ALDH3A1: variants seen among roughly 807,000 people sequenced by gnomAD.
The protein encoded by ALDH3A1 is aldehyde dehydrogenase, dimeric NADP-preferring.
In ALDH3A1, 46 loss-of-function variants were observed where a neutral mutation model predicts 49.9. The ratio of observed to expected loss-of-function variants is 0.92; its 90% confidence interval spans 0.73 to 1.18. The LOEUF is 1.18. Among genes scored for constraint, ALDH3A1 ranks in the 50% most tolerant of loss-of-function variants. The pLI, the probability that ALDH3A1 is intolerant of heterozygous loss-of-function variation, is 0.00. For missense variants in ALDH3A1, 592 were observed against 611.8 expected (o/e 0.97, Z 0.34); for synonymous variants, 269 against 253.3 (o/e 1.06, Z -0.59).
At position 19,743,269 on chromosome 17, in the gene ALDH3A1, G is replaced by A; in HGVS notation, c.357C>T (p.Asn119=). 6.2e-7 allele frequency: 1 copy of A among 1,614,066 alleles called. No homozygotes were observed. The highest frequency in any genetic ancestry group is 8.5e-7 in the Non-Finnish European group (1 of 1,180,026). The change falls in exon 3 of 11, where the codon AAC becomes AAT. Residue 119 remains asparagine, a synonymous_variant. Transcript: ENST00000225740. The surrounding 1 kb of genome is among the most constrained non-coding windows in gnomAD (Gnocchi z 4.4). The part of the protein sequence containing the change: ...LVIGTWNYPF[N]LTIQPMVGAI... ...CGCCCACCATGGGCTGGATGGTGAG[G>A]TTGAAGGGGTAGTTCCAGGTGCCAA...
chr17:19,738,322 C>A lies in ALDH3A1; in HGVS notation c.1347+1G>T. ...CCCCCACAGCGCCTTCCCCCTCTCA[C>A]CTTGGCCGGGCTCGGGGGGTATCTG... is the stretch of plus-strand genomic sequence containing the variant. On this transcript the variant is annotated splice_donor_variant, in intron 10 of 10. Transcript: ENST00000225740. LOFTEE classifies it high-confidence loss of function. The A allele has an allele frequency of 6.2e-7, 1 of 1,613,152 alleles. No homozygotes were observed. Among genetic ancestry groups the A allele is most frequent in the Non-Finnish European group, 8.5e-7 (1 of 1,179,140 alleles).
Position 19,738,461 on chromosome 17 carries a change from G to T in ALDH3A1, c.1217-8C>A. 1 of 1,608,112 alleles carries T rather than the reference G, an allele frequency of 6.2e-7. No homozygotes were observed. On this transcript the variant is annotated splice_polypyrimidine_tract_variant and splice_region_variant and intron_variant, in intron 9 of 10. Coordinates refer to ENST00000225740, the MANE Select transcript of ALDH3A1 (RefSeq NM_000691.5). ...ATCCCATGCCGCTGTTCCCTGCGGA[G>T]GAGAAGTAAGCACAGGGCTCAGCAT...
chr17:19,746,493 C>T (rs1348774522), intron 1 of ALDH3A1, among the ~76,000 whole-genome samples: 1 of 151,760 alleles, frequency 6.6e-6, no homozygotes, highest in Non-Finnish European at 1.5e-5. Flanking sequence ...ATTTGAAGGC[C>T]TCGGGTAAGT....
intron 1 of ALDH3A1, among the ~76,000 whole-genome samples, chr17:19,747,598 G>A (rs1161904329): frequency 6.6e-6 from 1 of 152,150 alleles, no homozygotes; most frequent in East Asian, 1.9e-4. Context: ...GTTAACAAAG[G>A]TGCCACTTCA....
At chr17:19,738,500 C>A in intron 9 of ALDH3A1, 47 bp from the exon 10 acceptor site, 1 of 1,588,378 alleles carries the variant, frequency 6.3e-7, no homozygotes, top group Non-Finnish European at 8.6e-7. Flanking sequence ...GCCCCCAGGA[C>A]GCCCCAGGTT....
At chr17:19,746,008 G>T (rs954019456) in intron 1 of ALDH3A1, among the ~76,000 whole-genome samples, 2 of 152,204 alleles carry the variant, frequency 1.3e-5, no homozygotes, top group South Asian at 2.1e-4. Flanking sequence ...AGTATTTAGG[G>T]ATTAGGTGGA....
At chr17:19,738,663 G>A in intron 9 of ALDH3A1, 1 of 698,808 alleles carries the variant, frequency 1.4e-6, no homozygotes, top group South Asian at 1.9e-5. Flanking sequence ...GGTGGCCAAT[G>A]TCTAGGGTGT....
chr17:19,740,535 G>A (rs1409397635), intron 6 of ALDH3A1, 58 bp from the exon 7 acceptor site: 10 of 1,594,742 alleles, frequency 6.3e-6, no homozygotes, highest in Non-Finnish European at 8.6e-6. Flanking sequence ...CTGCCCAAAG[G>A]CTGCACAGAC....
chr17:19,740,253 A>G, intron 7 of ALDH3A1, 83 bp downstream of exon 7: 1 of 1,567,370 alleles, frequency 6.4e-7, no homozygotes, highest in South Asian at 1.1e-5. Flanking sequence ...CCGCTTATCA[A>G]GCATCTGTGC....
At chr17:19,739,838 C>G (rs1283819077) in intron 7 of ALDH3A1, among the ~76,000 whole-genome samples, 164 bp from the exon 8 acceptor site, 1 of 152,164 alleles carries the variant, frequency 6.6e-6, no homozygotes, top group Non-Finnish European at 1.5e-5. Context: ...CACCTGCGTC[C>G]TGGATGCCAT....
intron 9 of ALDH3A1, 96 bp downstream of exon 9, chr17:19,738,900 C>T: frequency 9.8e-6 from 11 of 1,116,902 alleles, no homozygotes; most frequent in Non-Finnish European, 1.4e-5. Flanking sequence ...GAGGCTGCCG[C>T]CCGGGCTGCA....
rs1236955560 is a variant in ALDH3A1, at chr17:19,739,556, G to T, written c.1068C>A (p.Asn356Lys). The change falls in exon 8 of 11, where the codon AAC becomes AAA. Residue 356 changes from asparagine to lysine, a missense_variant. Physicochemically the swap from Asn to Lys is moderately conservative, Grantham distance 94. Transcript: ENST00000225740. ...RSLEEAIQFI[N>K]QREKPLALYM... ...AGAGGGCCAGGGGCTTCTCACGCTG[G>T]TTGATGAACTGGATGGCCTCCTCCA... The T allele has an allele frequency of 6.2e-7, 1 of 1,613,414 alleles. No individual in the cohort carries two copies. The highest frequency in any genetic ancestry group is 2.2e-5 in the East Asian group (1 of 44,862).
Position 19,745,032 on chromosome 17 carries a change from A to C in ALDH3A1, c.98T>G (p.Leu33Arg). Residue 33 changes from leucine to arginine, a missense_variant, in exon 2 of 11, where the codon CTG (leucine) becomes CGG (arginine). Coordinates refer to ENST00000225740, the MANE Select transcript of ALDH3A1 (RefSeq NM_000691.5). ...CTCCTGCTCCTGGATCAGGCGCTGCAGCGCCTCCAGCTGCTGGATCCGGAA... is the reference window on the plus strand; with the variant it reads ...CTCCTGCTCCTGGATCAGGCGCTGCCGCGCCTCCAGCTGCTGGATCCGGAA... ...LQFRIQQLEA[L>R]QRLIQEQEQE... 1 of 1,595,854 alleles carries C rather than the reference A, an allele frequency of 6.3e-7. No individual in the cohort carries two copies. Among genetic ancestry groups the C allele is most frequent in the Non-Finnish European group, 8.5e-7 (1 of 1,178,512 alleles).
intron 6 of ALDH3A1, 61 bp downstream of exon 6, chr17:19,741,032 G>T: frequency 7.6e-7 from 1 of 1,316,806 alleles, no homozygotes; most frequent in African/African-American, 1.4e-5. Flanking sequence ...TGGTTAAGGG[G>T]CCAGGCCCCC....
rs1036453954 is a variant in ALDH3A1 at position 19,743,841 on chromosome 17, C to T, written c.163-378G>A. 17 of 982,774 alleles carry T rather than the reference C, an allele frequency of 1.7e-5. No individual in the cohort carries two copies. In the African/African-American group the frequency reaches 1.9e-4, roughly 11 times the overall value. The allele number at this position is 982,774 out of a possible 1,614,324, so 60.9% of individuals were successfully genotyped here. ...TGGATCCGGGGAGGGGGGATAGATT[C>T]GGGCACTGGGAGCTGGATCCGGGCA... On this transcript the variant is annotated intron_variant, in intron 2 of 10. Transcript: ENST00000225740. This position sits in a 1 kb window ranked among gnomAD's most constrained non-coding sequence, Gnocchi z 4.4.
chr17:19,748,118 G>A lies in ALDH3A1; in HGVS notation c.-6+141C>T, dbSNP rs1012644173. The A allele has an allele frequency of 3.4e-6, 1 of 296,936 alleles. No individual in the cohort carries two copies. Among genetic ancestry groups the A allele is most frequent in the East Asian group, 7.9e-5 (1 of 12,696 alleles). The allele number at this position is 296,936 out of a possible 1,614,324, so 18.4% of individuals were successfully genotyped here. A position where few individuals can be genotyped will look rare whatever the true frequency, so the allele number is the denominator to read the frequency against. ...TGGCAGAGCTGCCAGAGGTCCAGGA[G>A]GATGCTCCAGAGATGATGGTCCCAG... On this transcript the variant is annotated intron_variant, in intron 1 of 10. Coordinates refer to ENST00000225740, the MANE Select transcript of ALDH3A1 (RefSeq NM_000691.5). The surrounding 1 kb of genome is among the most constrained non-coding windows in gnomAD (Gnocchi z 4.4).
Position 19,742,572 on chromosome 17 carries a change from A to T in ALDH3A1, c.453T>A (p.Ala151=). Residue 151 remains alanine, a synonymous_variant, in exon 4 of 11, where the codon GCT becomes GCA. Coordinates refer to ENST00000225740, the MANE Select transcript of ALDH3A1 (RefSeq NM_000691.5). ...TGTCCAGGTACTGGGGGATGATGGT[A>T]GCCAGCAGGCTCGCCATGTTCTCAC... ...ELSENMASLL[A]TIIPQYLDKD... The T allele has an allele frequency of 1.2e-6, 2 of 1,613,938 alleles. No homozygotes were observed.
rs200532620 is a variant in ALDH3A1, at chr17:19,738,306, C to T, written c.1347+17G>A. The T allele has an allele frequency of 4.2e-5, 68 of 1,613,544 alleles. 1 individual carries two copies. Among genetic ancestry groups the T allele is most frequent in the African/African-American group, 4.1e-4 (31 of 75,050 alleles). On this transcript the variant is annotated intron_variant, in intron 10 of 10. Coordinates refer to ENST00000225740, the MANE Select transcript of ALDH3A1 (RefSeq NM_000691.5). ...CCGCACAGCCCGGTCTCCCCCACAG[C>T]GCCTTCCCCCTCTCACCTTGGCCGG...
At chr17:19,747,555 G>A (rs1290658732) in intron 1 of ALDH3A1, among the ~76,000 whole-genome samples, 3 of 152,318 alleles carry the variant, frequency 2.0e-5, no homozygotes, top group African/African-American at 7.2e-5. Context: ...TCTCTGGGCT[G>A]GACGGCCTTC....
Sources: allele counts gnomAD v4.1 joint callset (sites outside exome capture counted in the v4.1 genomes callset), GRCh38; gene constraint gnomAD v4.1.1; non-coding constraint Gnocchi (gnomAD v3.1); transcripts MANE v1.5; gene names NCBI Gene and HGNC (gene_info 2026-07-23, HGNC 2026-07-21).